The following STAG1 variants were observed in gnomAD, a reference collection of about 807,000 sequenced individuals.
STAG1 encodes cohesin subunit SA-1.
In STAG1, 26 loss-of-function variants were observed where a neutral mutation model predicts 170.9. That is an observed-to-expected ratio of 0.15 (90% CI 0.11 to 0.21). STAG1 has a LOEUF of 0.21. Ranked by LOEUF, STAG1 falls within the 10% of genes least tolerant of loss-of-function variation. The probability of loss-of-function intolerance (pLI) is 1.00; values close to 1 mark genes in which losing one functional copy is unlikely to be tolerated. For missense variants in STAG1, 964 were observed against 1,509.5 expected (o/e 0.64, Z 5.99); for synonymous variants, 514 against 497.7 (o/e 1.03, Z -0.44).
chr3:136,643,306 C>T (rs549899769), intron 1 of STAG1, among the ~76,000 whole-genome samples: 1 of 152,166 alleles, frequency 6.6e-6, no homozygotes, highest in Non-Finnish European at 1.5e-5. Context: ...AGATGAAATT[C>T]CTGTATTTAA....
intron 20 of STAG1, 77 bp downstream of exon 20, chr3:136,421,016 C>G (rs1012026523): frequency 1.2e-6 from 1 of 809,544 alleles, no homozygotes; most frequent in Non-Finnish European, 1.9e-6. Flanking sequence ...AGCAATCTGC[C>G]CATCTCGGCC....
chr3:136,342,323 AT>A (rs1290774978), intron 30 of STAG1, among the ~76,000 whole-genome samples: 21 of 142,418 alleles, frequency 1.5e-4, no homozygotes, highest in East Asian at 4.3e-4. Flanking sequence ...CCAGCCAGGA[AT>A]TTTTTTTTTT....
chr3:136,534,418 T>C (rs1332662469), intron 6 of STAG1, among the ~76,000 whole-genome samples: 4 of 151,188 alleles, frequency 2.6e-5, no homozygotes, highest in Admixed American at 1.3e-4. Flanking sequence ...ACAAGATACA[T>C]TAAACTAAAA....
chr3:136,649,478 C>CA (rs1444656066), intron 1 of STAG1, among the ~76,000 whole-genome samples: 2 of 31,898 alleles, frequency 6.3e-5, no homozygotes, highest in African/African-American at 3.3e-4. Flanking sequence ...GACTCCATCT[C>CA]AAAAAACAAA....
At chr3:136,738,063 G>C (rs960589566) in intron 1 of STAG1, among the ~76,000 whole-genome samples, 3 of 152,008 alleles carry the variant, frequency 2.0e-5, no homozygotes, top group Non-Finnish European at 4.4e-5. Flanking sequence ...GTGAGACTCT[G>C]TCTCAAAAAA....
intron 14 of STAG1, among the ~76,000 whole-genome samples, chr3:136,445,522 T>G (rs1233517791): frequency 6.6e-6 from 1 of 152,194 alleles, no homozygotes; most frequent in African/African-American, 2.4e-5. Flanking sequence ...TTGAAAAAGT[T>G]CTGGAGATAA....
intron 25 of STAG1, 71 bp downstream of exon 25, chr3:136,366,872 T>C (rs1576394447): frequency 3.0e-6 from 4 of 1,332,660 alleles, no homozygotes; most frequent in South Asian, 1.5e-5. Context: ...TTAGCTTCTG[T>C]CATCATCCTT....
At chr3:136,660,410 T>C (rs987359711) in intron 1 of STAG1, among the ~76,000 whole-genome samples, 1 of 152,162 alleles carries the variant, frequency 6.6e-6, no homozygotes, top group African/African-American at 2.4e-5. Context: ...TCTAAAACTA[T>C]ATTCAAACAA....
At chr3:136,472,613 A>C (rs1054378300) in intron 11 of STAG1, 121 bp from the exon 12 acceptor site, 1 of 603,126 alleles carries the variant, frequency 1.7e-6, no homozygotes, top group African/African-American at 1.9e-5. Context: ...AAAAAGCTTT[A>C]CTCTTGAAAC....
chr3:136,571,432 G>A (rs1233714492), intron 4 of STAG1, among the ~76,000 whole-genome samples: 2 of 152,076 alleles, frequency 1.3e-5, no homozygotes, highest in Non-Finnish European at 2.9e-5. Context: ...AGCTAGAGTG[G>A]TGGTGCATGC....
At chr3:136,498,210 T>TTGTG (rs1553733338) in intron 9 of STAG1, among the ~76,000 whole-genome samples, 1 of 50,870 alleles carries the variant, frequency 2.0e-5, no homozygotes, top group East Asian at 8.9e-3. Flanking sequence ...AAAAAAAAAA[T>TTGTG]TATATATATA....
At chr3:136,473,045 G>C (rs1197250504) in intron 11 of STAG1, among the ~76,000 whole-genome samples, 2 of 152,104 alleles carry the variant, frequency 1.3e-5, no homozygotes, top group Non-Finnish European at 2.9e-5. Flanking sequence ...TCCAAGTCTT[G>C]TCAAATCAGC....
At chr3:136,445,494 G>C (rs2088752295) in intron 14 of STAG1, among the ~76,000 whole-genome samples, 1 of 152,170 alleles carries the variant, frequency 6.6e-6, no homozygotes, top group African/African-American at 2.4e-5. Flanking sequence ...AAAATAAAGA[G>C]TTTCAGTTTG....
At chr3:136,619,294 G>GAC (rs1939737449) in intron 3 of STAG1, among the ~76,000 whole-genome samples, 1 of 149,440 alleles carries the variant, frequency 6.7e-6, no homozygotes, top group Admixed American at 6.8e-5. Flanking sequence ...CTGCAGGTCA[G>GAC]ACACTAGTAA....
At chr3:136,381,280 C>G (rs939206779) in intron 22 of STAG1, among the ~76,000 whole-genome samples, 5 of 151,782 alleles carry the variant, frequency 3.3e-5, no homozygotes, top group Non-Finnish European at 5.9e-5. Context: ...AAGGTGACAG[C>G]AAGTATCCTG....
At chr3:136,701,219 C>G (rs1194736601) in intron 1 of STAG1, among the ~76,000 whole-genome samples, 1 of 152,036 alleles carries the variant, frequency 6.6e-6, no homozygotes, top group Admixed American at 6.6e-5. Context: ...ACAATCCCTA[C>G]CTTGATTTAG....
chr3:136,369,631 T>C (rs1202407743), intron 23 of STAG1, among the ~76,000 whole-genome samples: 4 of 152,082 alleles, frequency 2.6e-5, no homozygotes, highest in African/African-American at 7.3e-5. Flanking sequence ...AACCCAACTT[T>C]GCAAATACAA....
In STAG1 at chr3:136,422,538, T is replaced by C; in HGVS notation, c.1909A>G (p.Ser637Gly). The part of the protein sequence containing the change: ...HVESDVLEAC[S>G]KTYSILCSEE... Reference sequence around the variant, plus strand: ...CTGCATAAGATACTATAGGTTTTACTGCAGGCTTCTAGAACATCTGATTCT... The same window carrying C: ...CTGCATAAGATACTATAGGTTTTACCGCAGGCTTCTAGAACATCTGATTCT... The change falls in exon 19 of 34, where the codon AGT (serine) becomes GGT (glycine). Residue 637 changes from serine (S) to glycine (G), a missense_variant. By Grantham distance (56) the Ser-to-Gly change is moderately conservative. Transcript: ENST00000383202. 1 of 1,614,090 alleles carries C rather than the reference T, an allele frequency of 6.2e-7. No individual in the cohort carries two copies. Among genetic ancestry groups the C allele is most frequent in the Non-Finnish European group, 8.5e-7 (1 of 1,179,980 alleles).
At chr3:136,727,106 T>C (rs533756227) in intron 1 of STAG1, among the ~76,000 whole-genome samples, 2 of 152,336 alleles carry the variant, frequency 1.3e-5, no homozygotes, top group African/African-American at 2.4e-5. Flanking sequence ...ATTCCCTTCA[T>C]AGACAGCATT....
Sources: allele counts gnomAD v4.1 joint callset (sites outside exome capture counted in the v4.1 genomes callset), GRCh38; gene constraint gnomAD v4.1.1; transcripts MANE v1.5; gene names NCBI Gene and HGNC (gene_info 2026-07-23, HGNC 2026-07-21).